The following MRPL15 variants were observed in gnomAD, a reference collection of about 807,000 sequenced individuals.
The protein encoded by MRPL15 is mitochondrial ribosomal protein L15.
Under a neutral mutation model 28.0 loss-of-function variants are expected in MRPL15, and 24 were observed. That is an observed-to-expected ratio of 0.86 (90% CI 0.62 to 1.21). MRPL15 has a LOEUF of 1.21. MRPL15 is among the 50% of genes most tolerant of loss of function. The probability of loss-of-function intolerance (pLI) is 0.00; values close to 1 mark genes in which losing one functional copy is unlikely to be tolerated. For synonymous variants in MRPL15, 124 were observed against 137.0 expected, an observed-to-expected ratio of 0.90 and a Z score of 0.66; for missense variants, 343 against 372.4, an observed-to-expected ratio of 0.92 and a Z score of 0.65.
chr8:54,137,523 G>A, intron 3 of MRPL15, 90 bp downstream of exon 3: 1 of 1,243,850 alleles, frequency 8.0e-7, no homozygotes, highest in Non-Finnish European at 1.1e-6. Context: ...GAGTACAGTG[G>A]CGCAATCTCG....
At chr8:54,146,266 G>A (rs886420442) in intron 4 of MRPL15, among the ~76,000 whole-genome samples, 1 of 152,152 alleles carries the variant, frequency 6.6e-6, no homozygotes, top group Non-Finnish European at 1.5e-5. Context: ...GGCCAACATG[G>A]CAAAACCCCA....
In MRPL15 at chr8:54,147,380, A is replaced by C. The variant is rs753973548; in HGVS notation, c.554-2A>C. On this transcript the variant is annotated splice_acceptor_variant, in intron 4 of 4. Coordinates refer to ENST00000260102, the MANE Select transcript of MRPL15 (RefSeq NM_014175.4). LOFTEE classifies it high-confidence loss of function. ...ACTTTTTAAATTTAAATTTTCTTTT[A>C]GACATTGTATGCAAACCTGTTCCAT... 1 of 1,591,018 alleles carries C rather than the reference A, an allele frequency of 6.3e-7. No homozygotes were observed. Among genetic ancestry groups the C allele is most frequent in the Non-Finnish European group, 8.6e-7 (1 of 1,169,232 alleles).
intron 3 of MRPL15, among the ~76,000 whole-genome samples, chr8:54,140,637 G>C (rs1211834359): frequency 1.5e-5 from 2 of 137,228 alleles, no homozygotes; most frequent in Non-Finnish European, 3.1e-5. Flanking sequence ...GCAGTGGCGC[G>C]ATCTCGGCTC....
chr8:54,147,232 C>CA (rs67302384), intron 4 of MRPL15, 150 bp from the exon 5 acceptor site: 12,146 of 575,458 alleles, frequency 0.021, 571 homozygotes, highest in African/African-American at 0.15. Flanking sequence ...AACTGCGTCT[C>CA]AAAAAAAAAA....
chr8:54,142,151 A>ATTTTAT (rs1457201534), intron 3 of MRPL15, among the ~76,000 whole-genome samples: 3 of 147,784 alleles, frequency 2.0e-5, no homozygotes, highest in Non-Finnish European at 4.5e-5. Flanking sequence ...GCCTGGCCTT[A>ATTTTAT]TTTTATTTTT....
chr8:54,145,521 C>T (rs1811028879), intron 4 of MRPL15, among the ~76,000 whole-genome samples: 1 of 151,862 alleles, frequency 6.6e-6, no homozygotes. Context: ...TGGTCTTGCT[C>T]TCTCAGGCTA....
chr8:54,137,788 GATA>G (rs1307213994), intron 3 of MRPL15, among the ~76,000 whole-genome samples: 2 of 151,976 alleles, frequency 1.3e-5, no homozygotes, highest in African/African-American at 4.8e-5. Context: ...TTGATTTCCA[GATA>G]ATCAGTACTC....
At chr8:54,142,587 C>T in intron 3 of MRPL15, 76 bp from the exon 4 acceptor site, 1 of 1,541,816 alleles carries the variant, frequency 6.5e-7, no homozygotes, top group Non-Finnish European at 8.8e-7. Flanking sequence ...AAAACACTGT[C>T]TAAAAAGGAA....
At position 54,136,592 on chromosome 8, in the gene MRPL15, C is replaced by T. The variant is rs1810832148; in HGVS notation, c.190C>T (p.Arg64Cys). ...KGERQRGTRP[R>C]LGFEGGQTPF... Reference sequence around the variant, plus strand: ...AGAAAGGCAAAGAGGAACCCGGCCCCGCTTGGGCTTTGAGGGAGGCCAGAC... The same window carrying T: ...AGAAAGGCAAAGAGGAACCCGGCCCTGCTTGGGCTTTGAGGGAGGCCAGAC... Residue 64 changes from arginine (R) to cysteine (C), a missense_variant, in exon 2 of 5, where the codon CGC becomes TGC. Coordinates refer to ENST00000260102, the MANE Select transcript of MRPL15 (RefSeq NM_014175.4). 8 of 1,614,088 alleles carry T rather than the reference C, an allele frequency of 5.0e-6. No homozygotes were observed. Among genetic ancestry groups the T allele is most frequent in the Non-Finnish European group, 5.1e-6 (6 of 1,180,040 alleles).
At position 54,138,704 on chromosome 8, in the gene MRPL15, T is replaced by C. The variant is rs148754249; in HGVS notation, c.429+1271T>C. ...TGTTTCCTTTACTCTGCCCAAAGTA[T>C]TTTTCTTTGAATATATATGAGCACT... On this transcript the variant is annotated intron_variant, in intron 3 of 4. Coordinates refer to ENST00000260102, the MANE Select transcript of MRPL15 (RefSeq NM_014175.4). Among the ~76,000 whole-genome samples the C allele has an allele frequency of 2.6e-3, 391 of 152,274 alleles. 2 individuals are homozygous for C. Among genetic ancestry groups the C allele is most frequent in the African/African-American group, 8.9e-3 (371 of 41,574 alleles).
intron 3 of MRPL15, 67 bp from the exon 4 acceptor site, chr8:54,142,596 A>G: frequency 6.4e-7 from 1 of 1,565,180 alleles, no homozygotes; most frequent in Non-Finnish European, 8.7e-7. Context: ...TCTAAAAAGG[A>G]AGCTTGACAT....
At chr8:54,143,969 A>G (rs1414264140) in intron 4 of MRPL15, among the ~76,000 whole-genome samples, 1 of 152,252 alleles carries the variant, frequency 6.6e-6, no homozygotes, top group Non-Finnish European at 1.5e-5. Flanking sequence ...AAAAGAGCAT[A>G]TGTACACACA....
chr8:54,140,574 C>CTTTTTTCTTTTT (rs1810905634), intron 3 of MRPL15, among the ~76,000 whole-genome samples: 1 of 99,576 alleles, frequency 1.0e-5, no homozygotes, highest in South Asian at 4.7e-4. Flanking sequence ...ATTTTCTTTT[C>CTTTTTTCTTTTT]TTTTTTTTTT....
chr8:54,136,618 TC>T lies in MRPL15; in HGVS notation c.218del (p.Pro73HisfsTer24). 1 of 1,614,162 alleles carries T rather than the reference TC, an allele frequency of 6.2e-7. No individual in the cohort carries two copies. The highest frequency in any genetic ancestry group is 8.5e-7 in the Non-Finnish European group (1 of 1,180,016). Reference sequence around the variant, plus strand: ...GCTTGGGCTTTGAGGGAGGCCAGACTCCATTTTACATCCGAATCCCAAAATA... The same window carrying T: ...GCTTGGGCTTTGAGGGAGGCCAGACTCATTTTACATCCGAATCCCAAAATA... Reference protein sequence around the residue: ...PRLGFEGGQTPFYIRIPKYGF... With the variant: ...PRLGFEGGQTXFYIRIPKYGF... On this transcript the variant is annotated frameshift_variant, in exon 2 of 5. Transcript: ENST00000260102. LOFTEE classifies it high-confidence loss of function.
At chr8:54,140,265 T>A (rs1013439412) in intron 3 of MRPL15, among the ~76,000 whole-genome samples, 2 of 152,190 alleles carry the variant, frequency 1.3e-5, no homozygotes, top group Non-Finnish European at 2.9e-5. Flanking sequence ...TCTGTCTTTT[T>A]TATTTTTTTT....
chr8:54,136,823 C>T (rs1810835050), intron 2 of MRPL15, among the ~76,000 whole-genome samples, 158 bp downstream of exon 2: 1 of 152,062 alleles, frequency 6.6e-6, no homozygotes, highest in African/African-American at 2.4e-5. Flanking sequence ...GAAATCTTGC[C>T]TGGATTATTA....
intron 3 of MRPL15, 35 bp downstream of exon 3, chr8:54,137,468 G>T (rs781458468): frequency 3.1e-6 from 5 of 1,599,200 alleles, no homozygotes; most frequent in Non-Finnish European, 4.3e-6. Context: ...TGTTATATAG[G>T]AGGATTTTTT....
chr8:54,136,592 C>G lies in MRPL15; in HGVS notation c.190C>G (p.Arg64Gly). ...KGERQRGTRP[R>G]LGFEGGQTPF... ...AGAAAGGCAAAGAGGAACCCGGCCC[C>G]GCTTGGGCTTTGAGGGAGGCCAGAC... The change falls in exon 2 of 5, where the codon CGC becomes GGC. Residue 64 changes from arginine (R) to glycine (G), a missense_variant. Physicochemically the swap from Arg to Gly is moderately radical, Grantham distance 125. Coordinates refer to ENST00000260102, the MANE Select transcript of MRPL15 (RefSeq NM_014175.4). 4 of 1,614,206 alleles carry G rather than the reference C, an allele frequency of 2.5e-6. No individual in the cohort carries two copies. Among genetic ancestry groups the G allele is most frequent in the Non-Finnish European group, 3.4e-6 (4 of 1,180,032 alleles).
At chr8:54,141,813 T>C (rs763818049) in intron 3 of MRPL15, among the ~76,000 whole-genome samples, 2 of 152,114 alleles carry the variant, frequency 1.3e-5, no homozygotes, top group Non-Finnish European at 2.9e-5. Context: ...ATAGTTGTTA[T>C]ACTGTATTTA....
Sources: gnomAD v4.1 joint callset for allele counts (sites outside exome capture counted in the v4.1 genomes callset) on GRCh38, gnomAD v4.1.1 for gene constraint, MANE v1.5 for transcripts, NCBI Gene and HGNC (gene_info 2026-07-23, HGNC 2026-07-21) for gene names.